HERC1: variants seen among roughly 807,000 people sequenced by gnomAD.
HERC1 encodes the protein probable E3 ubiquitin-protein ligase HERC1.
HERC1 carries 160 observed loss-of-function variants against 554.3 expected under a neutral mutation model. The ratio of observed to expected loss-of-function variants is 0.29; its 90% CI spans 0.25 to 0.33. The LOEUF is 0.33. Among genes scored for constraint, HERC1 ranks in the 10% least tolerant of loss-of-function variants. The probability of loss-of-function intolerance (pLI) is 1.00; values close to 1 mark genes in which losing one functional copy is unlikely to be tolerated. For synonymous variants in HERC1, 2,175 were observed against 2,131.7 expected (o/e 1.02, Z -0.56); for missense variants, 4,919 against 5,918.5 (o/e 0.83, Z 5.54).
chr15:63,609,509 TGAG>T (rs759385689), intron 77 of HERC1, among the ~76,000 whole-genome samples: 3 of 152,082 alleles, frequency 2.0e-5, no homozygotes, highest in Non-Finnish European at 4.4e-5. Flanking sequence ...GTGTGTAAAG[TGAG>T]GAGAAGCTCT....
intron 12 of HERC1, among the ~76,000 whole-genome samples, chr15:63,742,908 C>T (rs2074869107): frequency 6.6e-6 from 1 of 152,136 alleles, no homozygotes; most frequent in African/African-American, 2.4e-5. Context: ...CTGAAGAATG[C>T]ATCAGAGTAC....
rs772580569 is a variant in HERC1 at position 63,674,962 on chromosome 15, T to C, written c.7226A>G (p.Gln2409Arg). The C allele has an allele frequency of 1.2e-6, 2 of 1,613,930 alleles. No homozygotes were observed. The highest frequency in any genetic ancestry group is 2.7e-5 in the African/African-American group (2 of 74,948). ...TTTCTTTTCATGTCGTTTGGTGCTC[T>C]GTTTGCCCATGTCTTCATGAACGCC... ...LTGVHEDMGK[Q>R]STKRHEKKHR... Residue 2409 changes from glutamine (Q) to arginine (R), a missense_variant, in exon 38 of 78, where the codon CAG becomes CGG. Gln to Arg is a conservative substitution (Grantham distance 43). Transcript: ENST00000443617.
intron 34 of HERC1, among the ~76,000 whole-genome samples, chr15:63,685,209 A>G (rs897295635): frequency 1.3e-5 from 2 of 152,230 alleles, no homozygotes; most frequent in Admixed American, 1.3e-4. Context: ...ATGATGTCAC[A>G]GAAAACAAAA....
rs16947395 is a variant in HERC1 at position 63,725,124 on chromosome 15, C to G, written c.3568+168G>C. ...GCTCTTTTCACCATATTGTGCTGCACGATTTAACCATTTTTCTTAGGGCTC... is the reference window on the plus strand; with the variant it reads ...GCTCTTTTCACCATATTGTGCTGCAGGATTTAACCATTTTTCTTAGGGCTC... On this transcript the variant is annotated intron_variant, in intron 18 of 77. Transcript: ENST00000443617. Among the ~76,000 whole-genome samples, 4,304 of 152,042 alleles carry G rather than the reference C, an allele frequency of 0.028. 217 individuals carry two copies. Among genetic ancestry groups the G allele is most frequent in the African/African-American group, 0.1 (4,132 of 41,436 alleles).
intron 39 of HERC1, among the ~76,000 whole-genome samples, chr15:63,670,233 G>C (rs752383115): frequency 2.6e-5 from 4 of 152,140 alleles, no homozygotes; most frequent in Non-Finnish European, 5.9e-5. Flanking sequence ...ATATGTCAGC[G>C]GCACAGTCGG....
At chr15:63,826,413 C>T (rs868503768) in intron 1 of HERC1, among the ~76,000 whole-genome samples, 25 of 152,116 alleles carry the variant, frequency 1.6e-4, no homozygotes, top group African/African-American at 5.1e-4. Context: ...GGTATCAATA[C>T]GTACTGTATA....
intron 1 of HERC1, among the ~76,000 whole-genome samples, chr15:63,796,328 A>C (rs937671946): frequency 6.6e-6 from 1 of 152,222 alleles, no homozygotes; most frequent in African/African-American, 2.4e-5. Flanking sequence ...TATGTGGATA[A>C]GGGTACTACT....
At chr15:63,825,332 T>C (rs56703723) in intron 1 of HERC1, among the ~76,000 whole-genome samples, 259 of 152,242 alleles carry the variant, frequency 1.7e-3, no homozygotes, top group African/African-American at 6.0e-3. Flanking sequence ...AGCAATATAA[T>C]TAATATTAGC....
chr15:63,826,828 T>C (rs1451429157), intron 1 of HERC1, among the ~76,000 whole-genome samples: 1 of 110,306 alleles, frequency 9.1e-6, no homozygotes, highest in Non-Finnish European at 1.9e-5. Flanking sequence ...TATATATATA[T>C]ATATATATAT....
intron 1 of HERC1, among the ~76,000 whole-genome samples, chr15:63,793,765 C>T (rs992340348): frequency 6.6e-6 from 1 of 151,942 alleles, no homozygotes; most frequent in Non-Finnish European, 1.5e-5. Context: ...TACAGAACCT[C>T]TATGGGTTCA....
chr15:63,694,429 G>A lies in HERC1; in HGVS notation c.5363C>T (p.Thr1788Ile). Residue 1788 changes from threonine (T) to isoleucine (I), a missense_variant, in exon 29 of 78, where the codon ACA becomes ATA. Around this residue, in one of 11 missense-constraint regions of HERC1, gnomAD observed 1,121 missense variants for 1,244.0 expected, o/e 0.90. Coordinates refer to ENST00000443617, the MANE Select transcript of HERC1 (RefSeq NM_003922.4). The surrounding 1 kb of genome is among the most constrained non-coding windows in gnomAD (Gnocchi z 4.3). ...CAGGGGCTGTCCTAGCATGGTGTCT[G>A]TACCACACAACTGTGACAATACGTT... The part of the protein sequence containing the change: ...LLNVLSQLCG[T>I]DTMLGQPLQL... 2 of 1,613,962 alleles carry A rather than the reference G, an allele frequency of 1.2e-6. No homozygotes were observed. The highest frequency in any genetic ancestry group is 1.7e-6 in the Non-Finnish European group (2 of 1,179,872).
At chr15:63,790,089 T>G (rs1304636934) in intron 1 of HERC1, among the ~76,000 whole-genome samples, 1 of 152,148 alleles carries the variant, frequency 6.6e-6, no homozygotes, top group Admixed American at 6.5e-5. Context: ...TTTCCTTATC[T>G]GTAATATAAT....
intron 12 of HERC1, among the ~76,000 whole-genome samples, chr15:63,740,745 C>A (rs922486763): frequency 6.6e-6 from 1 of 152,006 alleles, no homozygotes; most frequent in Non-Finnish European, 1.5e-5. Flanking sequence ...TACTCAGATT[C>A]TTTGTTCATT....
chr15:63,804,892 A>G (rs1394195350), intron 1 of HERC1, among the ~76,000 whole-genome samples: 1 of 152,194 alleles, frequency 6.6e-6, no homozygotes, highest in African/African-American at 2.4e-5. Context: ...ACAAGATACT[A>G]TTACAAATTC....
intron 1 of HERC1, among the ~76,000 whole-genome samples, chr15:63,790,438 G>A (rs867624853): frequency 3.4e-4 from 51 of 152,094 alleles, no homozygotes; most frequent in African/African-American, 1.2e-3. Context: ...TTAGCCGGGG[G>A]TAGTGGCGGG....
intron 14 of HERC1, among the ~76,000 whole-genome samples, chr15:63,730,831 T>G (rs2074259886): frequency 6.6e-6 from 1 of 152,206 alleles, no homozygotes; most frequent in Non-Finnish European, 1.5e-5. Context: ...ATAACTCCTC[T>G]GTGAGTTTTA....
chr15:63,690,809 G>C (rs1305757202), intron 31 of HERC1, among the ~76,000 whole-genome samples, 162 bp from the exon 32 acceptor site: 1 of 152,190 alleles, frequency 6.6e-6, no homozygotes, highest in Non-Finnish European at 1.5e-5. Flanking sequence ...CTGTACCCAT[G>C]AATGCGTATG....
In HERC1 at chr15:63,723,351, T is replaced by A; in HGVS notation, c.3573A>T (p.Lys1191Asn). The change falls in exon 19 of 78, where the codon AAA (lysine) becomes AAT (asparagine). Residue 1191 changes from lysine to asparagine, a missense_variant. Physicochemically the swap from Lys to Asn is moderately conservative, Grantham distance 94. This residue lies in a region of HERC1 where 1,121 missense variants were observed against 1,244.0 expected (regional missense o/e 0.90). Transcript: ENST00000443617. ...GVEMDTPQLD[K>N]CMSCLLEVAL... is the part of the protein sequence containing the mutation. ...CTACTTCTAACAGGCAACTCATACA[T>A]TTATCTAAAAAAAATACTCACGTTA... 1 of 1,546,930 alleles carries A rather than the reference T, an allele frequency of 6.5e-7. No individual in the cohort carries two copies. Among genetic ancestry groups the A allele is most frequent in the Non-Finnish European group, 8.7e-7 (1 of 1,143,772 alleles).
intron 17 of HERC1, among the ~76,000 whole-genome samples, chr15:63,725,996 G>A (rs750084939): frequency 8.6e-5 from 13 of 151,854 alleles, no homozygotes; most frequent in Non-Finnish European, 1.5e-4. Flanking sequence ...GGGGTGGAGG[G>A]GAGCAGACAG....
Sources: allele counts gnomAD v4.1 joint callset (sites outside exome capture counted in the v4.1 genomes callset), GRCh38; gene constraint gnomAD v4.1.1; regional missense constraint gnomAD v4.1.1; non-coding constraint Gnocchi (gnomAD v3.1); transcripts MANE v1.5; gene names NCBI Gene and HGNC (gene_info 2026-07-23, HGNC 2026-07-21).